TASP1: variants seen among roughly 807,000 people sequenced by gnomAD.
TASP1 encodes the protein taspase 1.
TASP1 carries 16 observed loss-of-function variants against 56.6 expected under a neutral mutation model. The observed-to-expected ratio is 0.28, with a 90% CI of 0.19 to 0.43. The LOEUF is 0.43. Among genes scored for constraint, TASP1 ranks in the 20% least tolerant of loss-of-function variants. The probability of loss-of-function intolerance (pLI) is 1.00; values close to 1 mark genes in which losing one functional copy is unlikely to be tolerated. For synonymous variants in TASP1, 179 were observed against 184.2 expected (o/e 0.97, Z 0.23); for missense variants, 393 against 511.6 (o/e 0.77, Z 2.24).
the TASP1 span, among the ~76,000 whole-genome samples, chr20:13,225,424 C>T: frequency 6.6e-6 from 1 of 152,114 alleles, no homozygotes; most frequent in Non-Finnish European, 1.5e-5. Flanking sequence ...TTAACTATGA[C>T]ATATATGTAT....
chr20:13,325,644 G>A, the TASP1 span, among the ~76,000 whole-genome samples: 16 of 152,288 alleles, frequency 1.1e-4, no homozygotes, highest in African/African-American at 3.4e-4. Context: ...AAGAAAGCCA[G>A]ATCCAGAATA....
At chr20:13,515,148 G>A (rs966658256) in intron 10 of TASP1, among the ~76,000 whole-genome samples, 3 of 151,960 alleles carry the variant, frequency 2.0e-5, no homozygotes, top group African/African-American at 7.3e-5. Flanking sequence ...TACAGGAATT[G>A]GTATATTCCA....
chr20:13,266,439 A>T, the TASP1 span, among the ~76,000 whole-genome samples: 1 of 152,238 alleles, frequency 6.6e-6, no homozygotes, highest in Middle Eastern at 3.4e-3. Flanking sequence ...TAATAGCTGC[A>T]TTTCTTCTGT....
the TASP1 span, among the ~76,000 whole-genome samples, chr20:13,163,159 G>T: frequency 6.6e-6 from 1 of 152,042 alleles, no homozygotes; most frequent in Non-Finnish European, 1.5e-5. Flanking sequence ...CCTGAGGTCA[G>T]GAGTTCGAGA....
the TASP1 span, chr20:13,239,734 T>C: frequency 6.6e-6 from 1 of 152,242 alleles, no homozygotes; most frequent in African/African-American, 2.4e-5. Context: ...AGAATGTTGT[T>C]GTAGGCAAGA....
chr20:13,343,382 C>T, the TASP1 span, among the ~76,000 whole-genome samples: 1 of 152,254 alleles, frequency 6.6e-6, no homozygotes, highest in Non-Finnish European at 1.5e-5. Flanking sequence ...TGGTTTTTGG[C>T]TCTAGAGACA....
chr20:13,299,651 G>A, the TASP1 span: 3 of 553,852 alleles, frequency 5.4e-6, no homozygotes, highest in Admixed American at 3.2e-5. The surrounding 1 kb of genome is among the most constrained non-coding windows in gnomAD (Gnocchi z 5.8). Flanking sequence ...AGCCGCCCTC[G>A]CCATCTGCAG....
the TASP1 span, among the ~76,000 whole-genome samples, chr20:13,340,607 T>C: frequency 6.6e-6 from 1 of 152,196 alleles, no homozygotes; most frequent in East Asian, 1.9e-4. Context: ...AATGTGTAAT[T>C]ATCAAATCAG....
chr20:13,162,784 C>T, the TASP1 span, among the ~76,000 whole-genome samples: 1 of 152,148 alleles, frequency 6.6e-6, no homozygotes, highest in Non-Finnish European at 1.5e-5. Context: ...TAACAGCATC[C>T]AACCCAGAAC....
intron 4 of TASP1, among the ~76,000 whole-genome samples, chr20:13,602,026 G>A (rs934565427): frequency 1.2e-4 from 18 of 151,678 alleles, no homozygotes; most frequent in Non-Finnish European, 2.1e-4. Context: ...ACAGGTACCC[G>A]CCACCATGCC....
At chr20:13,504,053 A>G (rs1433701721) in intron 10 of TASP1, among the ~76,000 whole-genome samples, 1 of 152,150 alleles carries the variant, frequency 6.6e-6, no homozygotes, top group Non-Finnish European at 1.5e-5. Flanking sequence ...TAAGAGTTAA[A>G]AACTACTCAA....
intron 13 of TASP1, among the ~76,000 whole-genome samples, chr20:13,402,612 C>CA (rs2041779131): frequency 6.6e-6 from 1 of 152,192 alleles, no homozygotes; most frequent in African/African-American, 2.4e-5. Flanking sequence ...CGCCAGGGAT[C>CA]AGATGCCTTT....
chr20:13,494,304 C>A (rs780973349), intron 10 of TASP1, among the ~76,000 whole-genome samples: 3 of 152,114 alleles, frequency 2.0e-5, no homozygotes, highest in Non-Finnish European at 4.4e-5. Context: ...GTTTTATATT[C>A]CTCACAAGAC....
intron 10 of TASP1, among the ~76,000 whole-genome samples, chr20:13,489,418 C>T (rs899161634): frequency 6.6e-6 from 1 of 152,090 alleles, no homozygotes; most frequent in East Asian, 1.9e-4. Context: ...ATCCAACTTT[C>T]CATGCCTGCA....
At chr20:13,577,984 G>A (rs1031233946) in intron 6 of TASP1, among the ~76,000 whole-genome samples, 8 of 152,130 alleles carry the variant, frequency 5.3e-5, no homozygotes, top group Admixed American at 5.2e-4. Flanking sequence ...TTCATGTGCT[G>A]TACAAGCCTT....
At chr20:13,449,183 G>A (rs980346648) in intron 11 of TASP1, among the ~76,000 whole-genome samples, 5 of 151,980 alleles carry the variant, frequency 3.3e-5, no homozygotes, top group African/African-American at 1.2e-4. Flanking sequence ...GGACTATGCT[G>A]GTATCTTTTA....
the TASP1 span, among the ~76,000 whole-genome samples, chr20:13,252,729 T>C: frequency 0.39 from 59,608 of 151,726 alleles, 12,720 homozygotes; most frequent in African/African-American, 0.58. Flanking sequence ...GCACTCCAGC[T>C]TGGGCAACAG....
At chr20:13,260,249 G>T in the TASP1 span, among the ~76,000 whole-genome samples, 366 of 152,298 alleles carry the variant, frequency 2.4e-3, 1 homozygote, top group Middle Eastern at 3.4e-3. Flanking sequence ...GTGTCGGGGG[G>T]TCCTGTTAAT....
chr20:13,255,800 G>A, the TASP1 span, among the ~76,000 whole-genome samples: 1 of 152,122 alleles, frequency 6.6e-6, no homozygotes, highest in African/African-American at 2.4e-5. Context: ...TGGCATGGTA[G>A]ACCTAAGTGA....
Sources: allele counts gnomAD v4.1 joint callset (sites outside exome capture counted in the v4.1 genomes callset), GRCh38; gene constraint gnomAD v4.1.1; non-coding constraint Gnocchi (gnomAD v3.1); transcripts MANE v1.5; gene names NCBI Gene and HGNC (gene_info 2026-07-23, HGNC 2026-07-21).